TNIP3: variants seen among roughly 807,000 people sequenced by gnomAD.
TNIP3 encodes TNFAIP3 interacting protein 3, also known as TNFAIP3-interacting protein 3.
TNIP3 carries 34 observed loss-of-function variants against 54.1 expected under a neutral mutation model. That is an observed-to-expected ratio of 0.63 (90% confidence interval 0.48 to 0.84). The LOEUF (loss-of-function observed/expected upper bound fraction) is 0.84. Among genes scored for constraint, TNIP3 ranks in the 40% least tolerant of loss-of-function variants. The pLI is 0.00. For synonymous variants in TNIP3, 134 were observed against 136.8 expected (o/e 0.98, Z 0.14); for missense variants, 366 against 387.6 (o/e 0.94, Z 0.47).
intron 1 of TNIP3, among the ~76,000 whole-genome samples, chr4:121,224,216 A>G (rs1464649734): frequency 6.6e-6 from 1 of 152,114 alleles, no homozygotes; most frequent in Non-Finnish European, 1.5e-5. Context: ...TACAAAAATT[A>G]GCTGAATGTG....
At chr4:121,226,268 A>T (rs1727252516) in intron 1 of TNIP3, among the ~76,000 whole-genome samples, 1 of 152,164 alleles carries the variant, frequency 6.6e-6, no homozygotes, top group African/African-American at 2.4e-5. Context: ...ACAGAGGCAC[A>T]AAGAAAGAGA....
Position 121,150,217 on chromosome 4 carries a change from A to G in TNIP3, c.495T>C (p.Ala165=), listed in dbSNP as rs769392602. 1.9e-6 allele frequency: 3 copies of G among 1,593,194 alleles called. No homozygotes were observed. The highest frequency in any genetic ancestry group is 2.2e-5 in the East Asian group (1 of 44,776). Residue 165 remains alanine (A), a splice_region_variant and synonymous_variant, in exon 6 of 11, where the codon GCT becomes GCC. Transcript: ENST00000057513. ...YECEIKRLNK[A]LQDALNIKCS... is the part of the protein sequence containing the mutation. The stretch of plus-strand genomic sequence containing the variant: ...ACTTGATATTCAAGGCATCCTGAAG[A>G]GCCTACGTAATAAGATAAGTACACT...
intron 6 of TNIP3, 65 bp downstream of exon 6, chr4:121,150,038 C>A (rs932290581): frequency 2.0e-6 from 2 of 981,994 alleles, no homozygotes; most frequent in Non-Finnish European, 3.2e-6. Flanking sequence ...TCTAAAAATG[C>A]CCAAAGAAGC....
At chr4:121,215,776 G>A (rs2148849878) in intron 2 of TNIP3, among the ~76,000 whole-genome samples, 1 of 151,852 alleles carries the variant, frequency 6.6e-6, no homozygotes, top group Non-Finnish European at 1.5e-5. Flanking sequence ...GCATCTGCAT[G>A]GCTTTTCACT....
At chr4:121,134,186 A>G (rs1011923366) in intron 10 of TNIP3, among the ~76,000 whole-genome samples, 6 of 152,154 alleles carry the variant, frequency 3.9e-5, no homozygotes, top group Admixed American at 6.5e-5. Context: ...TCACATCCCT[A>G]CATTTTATGC....
At chr4:121,173,998 T>G (rs1316441720) in intron 3 of TNIP3, among the ~76,000 whole-genome samples, 2 of 152,210 alleles carry the variant, frequency 1.3e-5, no homozygotes, top group African/African-American at 2.4e-5. Context: ...TGCTAAGTAC[T>G]AGAATATGAA....
intron 1 of TNIP3, among the ~76,000 whole-genome samples, chr4:121,224,428 T>C (rs1386055396): frequency 1.3e-5 from 2 of 152,090 alleles, no homozygotes; most frequent in Non-Finnish European, 2.9e-5. Context: ...CCCTGAGCAC[T>C]GGACTTCCGA....
exon 3 of TNIP3, chr4:121,182,708 T>C: frequency 6.5e-7 from 1 of 1,534,194 alleles, no homozygotes; most frequent in Non-Finnish European, 8.7e-7. Flanking sequence ...TGAGTTGGCA[T>C]GGCCTCTGGG....
Position 121,180,838 on chromosome 4 carries a change from A to G in TNIP3, c.189+1838T>C, listed in dbSNP as rs150473378. On this transcript the variant is annotated intron_variant, in intron 3 of 12. Coordinates refer to the TNIP3 transcript ENST00000507879. ...TTTTACTTATCTATTCTGTCTCCCT[A>G]CCTTCCAATAGTCATTTCATATCTT... 4.0e-3 allele frequency among the ~76,000 whole-genome samples: 605 copies of G among 152,236 alleles called. 9 individuals are homozygous for G. The East Asian group carries it at 0.045, about 11-fold the overall frequency.
At chr4:121,195,287 T>C (rs1467847360) in intron 2 of TNIP3, among the ~76,000 whole-genome samples, 1 of 152,232 alleles carries the variant, frequency 6.6e-6, no homozygotes, top group Non-Finnish European at 1.5e-5. Flanking sequence ...GATGGGATTA[T>C]AGAAGGAAGA....
At chr4:121,223,504 A>T (rs1263731423) in intron 1 of TNIP3, among the ~76,000 whole-genome samples, 1 of 152,248 alleles carries the variant, frequency 6.6e-6, no homozygotes, top group Non-Finnish European at 1.5e-5. Flanking sequence ...TTCATGTCCT[A>T]TAAGAAAATC....
chr4:121,218,997 C>T (rs1311294850), upstream of TNIP3, among the ~76,000 whole-genome samples: 11 of 152,098 alleles, frequency 7.2e-5, no homozygotes, highest in African/African-American at 2.2e-4. Context: ...GTCAGGAGTT[C>T]GAGACCAGCC....
chr4:121,153,811 A>G (rs907317191), intron 5 of TNIP3, among the ~76,000 whole-genome samples: 1 of 152,224 alleles, frequency 6.6e-6, no homozygotes, highest in East Asian at 1.9e-4. Flanking sequence ...GTTTCAGAAG[A>G]CAATTTCTGT....
upstream of TNIP3, among the ~76,000 whole-genome samples, chr4:121,168,452 G>T (rs1386580309): frequency 6.6e-6 from 1 of 151,776 alleles, no homozygotes; most frequent in Non-Finnish European, 1.5e-5. Context: ...ACCCGCCTCG[G>T]CCTCCCAAAG....
At chr4:121,169,517 T>C (rs1730953910) in intron 3 of TNIP3, among the ~76,000 whole-genome samples, 1 of 152,190 alleles carries the variant, frequency 6.6e-6, no homozygotes, top group Admixed American at 6.5e-5. Context: ...AACTCCATGA[T>C]AGCAACTTTT....
At position 121,150,233 on chromosome 4, in the gene TNIP3, T is replaced by G; in HGVS notation, c.493-14A>C. On this transcript the variant is annotated splice_polypyrimidine_tract_variant and intron_variant, in intron 5 of 10. Transcript: ENST00000057513. ...ATCCTGAAGAGCCTACGTAATAAGA[T>G]AAGTACACTGTTGATCTAAGATTTA... 1 of 1,503,784 alleles carries G rather than the reference T, an allele frequency of 6.6e-7. No homozygotes were observed. The highest frequency in any genetic ancestry group is 9.2e-7 in the Non-Finnish European group (1 of 1,082,028). The allele number at this position is 1,503,784 out of a possible 1,614,324, so 93.2% of individuals were successfully genotyped here.
At chr4:121,146,062 A>G (rs1214255052) in intron 7 of TNIP3, among the ~76,000 whole-genome samples, 4 of 151,568 alleles carry the variant, frequency 2.6e-5, no homozygotes, top group Non-Finnish European at 5.9e-5. Context: ...CTTACCTATT[A>G]TTGTATGAAT....
At chr4:121,221,336 A>G (rs905524673), upstream of TNIP3, among the ~76,000 whole-genome samples, 4 of 152,216 alleles carry the variant, frequency 2.6e-5, no homozygotes, top group South Asian at 8.3e-4. Flanking sequence ...ATCTCCATAA[A>G]TATTAAAAAA....
chr4:121,227,042 T>C (rs1727286472), intron 1 of TNIP3, among the ~76,000 whole-genome samples: 2 of 152,336 alleles, frequency 1.3e-5, no homozygotes, highest in African/African-American at 2.4e-5. Flanking sequence ...ATAGGATTTT[T>C]AGAAGTAATA....
Sources: allele counts gnomAD v4.1 joint callset (sites outside exome capture counted in the v4.1 genomes callset), GRCh38; gene constraint gnomAD v4.1.1; transcripts MANE v1.5; gene names NCBI Gene and HGNC (gene_info 2026-07-23, HGNC 2026-07-21).